The following NAV2 variants were observed in gnomAD, a reference collection of about 807,000 sequenced individuals.
NAV2 encodes the protein neuron navigator 2.
In NAV2, 54 loss-of-function variants were observed where a neutral mutation model predicts 223.2. That is an observed-to-expected ratio of 0.24 (90% CI 0.19 to 0.30). The LOEUF (loss-of-function observed/expected upper bound fraction) is 0.30, where lower values mean the gene tolerates loss of function less well. Ranked by LOEUF, NAV2 falls within the 10% of genes least tolerant of loss-of-function variation. The pLI, the probability that NAV2 is intolerant of heterozygous loss-of-function variation, is 1.00. For synonymous variants in NAV2, 1,279 were observed against 1,239.3 expected, an observed-to-expected ratio of 1.03 and a Z score of -0.67; for missense variants, 2,806 against 3,147.5, an observed-to-expected ratio of 0.89 and a Z score of 2.60.
At chr11:19,388,915 A>G (rs1419068071) in intron 1 of NAV2, among the ~76,000 whole-genome samples, 26 of 152,236 alleles carry the variant, frequency 1.7e-4, no homozygotes, top group Admixed American at 1.7e-3. Flanking sequence ...CCCAGGCCAC[A>G]GCACTAGCTG....
intron 18 of NAV2, among the ~76,000 whole-genome samples, chr11:20,055,074 C>T (rs1432999731): frequency 1.3e-5 from 2 of 152,224 alleles, no homozygotes; most frequent in Admixed American, 1.3e-4. Context: ...CTAATCTCAT[C>T]TCACTCTTTA....
intron 15 of NAV2, 78 bp downstream of exon 15, chr11:20,049,273 A>G: frequency 9.4e-7 from 1 of 1,062,808 alleles, no homozygotes; most frequent in Non-Finnish European, 1.4e-6. Flanking sequence ...GGAATCCCAA[A>G]TGTCGAATAG....
At chr11:19,460,574 T>G (rs1388258528) in intron 1 of NAV2, among the ~76,000 whole-genome samples, 1 of 144,906 alleles carries the variant, frequency 6.9e-6, no homozygotes. Flanking sequence ...CCGCATGTTC[T>G]CACTCATAGG....
chr11:19,348,331 TTC>T (rs1853112680), upstream of NAV2, among the ~76,000 whole-genome samples: 1 of 152,306 alleles, frequency 6.6e-6, no homozygotes, highest in African/African-American at 2.4e-5. Flanking sequence ...GGACTTTTTT[TTC>T]TTTTATTATT....
intron 1 of NAV2, among the ~76,000 whole-genome samples, chr11:19,580,884 T>A (rs181441342): frequency 2.3e-4 from 35 of 152,364 alleles, no homozygotes; most frequent in South Asian, 1.2e-3. Flanking sequence ...GTGACTGTAA[T>A]AATTTATCCT....
chr11:19,816,886 G>A (rs1229538329), intron 1 of NAV2, among the ~76,000 whole-genome samples: 4 of 152,078 alleles, frequency 2.6e-5, no homozygotes, highest in Non-Finnish European at 5.9e-5. Context: ...GAAACCAGAG[G>A]AGGCTCCCAC....
intron 36 of NAV2, among the ~76,000 whole-genome samples, chr11:20,112,434 T>G (rs1592216276): frequency 6.6e-6 from 1 of 152,110 alleles, no homozygotes; most frequent in Non-Finnish European, 1.5e-5. Flanking sequence ...GAGGGGGTGA[T>G]AGCCACGAAT....
intron 1 of NAV2, among the ~76,000 whole-genome samples, chr11:19,586,421 A>G (rs1387018897): frequency 6.6e-6 from 1 of 152,154 alleles, no homozygotes; most frequent in Non-Finnish European, 1.5e-5. Flanking sequence ...GTTGCTGGTG[A>G]GGAGCTGCGT....
chr11:19,877,472 T>TTTTTTTTTTTTTCTTTTTCCTTTTC (rs1313196964), intron 4 of NAV2, among the ~76,000 whole-genome samples: 1 of 117,838 alleles, frequency 8.5e-6, no homozygotes, highest in East Asian at 2.5e-4. Flanking sequence ...TCTTCATTCT[T>TTTTTTTTTTTTTCTTTTTCCTTTTC]TTTTTTTTTT....
chr11:20,077,917 T>G (rs2059862879), intron 23 of NAV2, 76 bp from the exon 24 acceptor site: 6 of 1,208,784 alleles, frequency 5.0e-6, no homozygotes, highest in Admixed American at 3.9e-5. Context: ...CCTCCTGTGT[T>G]GAAGCCAAGT....
chr11:19,391,370 C>T (rs1162351740), intron 1 of NAV2, among the ~76,000 whole-genome samples: 1 of 152,192 alleles, frequency 6.6e-6, no homozygotes, highest in East Asian at 1.9e-4. Context: ...TTCTACCACC[C>T]TGTCCACACA....
At position 19,664,764 on chromosome 11, in the gene NAV2, G is replaced by A. The variant is rs115882376; in HGVS notation, c.76-167720G>A. The stretch of plus-strand genomic sequence containing the variant: ...AATACCAGGAAGCCTTTGCTATGGA[G>A]GAGAATGTTGAGTTCCACCTCCCAA... On this transcript the variant is annotated intron_variant, in intron 1 of 37. Coordinates refer to the NAV2 transcript ENST00000360655. Among the ~76,000 whole-genome samples, 64 of 152,324 alleles carry A rather than the reference G, an allele frequency of 4.2e-4. 1 individual carries two copies. The highest frequency in any genetic ancestry group is 1.5e-3 in the African/African-American group (61 of 41,560).
intron 11 of NAV2, among the ~76,000 whole-genome samples, chr11:20,026,254 C>T (rs974907013): frequency 2.6e-5 from 4 of 152,012 alleles, no homozygotes; most frequent in Admixed American, 1.3e-4. Flanking sequence ...TAAGCTGGTC[C>T]CAGAGCTGTA....
chr11:20,007,997 G>C (rs1038183109), intron 11 of NAV2, among the ~76,000 whole-genome samples: 4 of 152,234 alleles, frequency 2.6e-5, no homozygotes, highest in African/African-American at 9.6e-5. Context: ...TGTGAGACTG[G>C]TCATTGAGAG....
chr11:19,591,954 A>G (rs1011092747), intron 1 of NAV2, among the ~76,000 whole-genome samples: 1 of 152,210 alleles, frequency 6.6e-6, no homozygotes, highest in African/African-American at 2.4e-5. Context: ...TATGGAGGCC[A>G]CAATGAGCAA....
At chr11:20,007,367 ACT>A (rs1175003541) in intron 11 of NAV2, among the ~76,000 whole-genome samples, 2 of 152,032 alleles carry the variant, frequency 1.3e-5, no homozygotes, top group East Asian at 1.9e-4. Flanking sequence ...TGAAAATGAG[ACT>A]CTGTTCATAT....
chr11:19,790,975 CATT>C (rs1472036138), intron 1 of NAV2, among the ~76,000 whole-genome samples: 3 of 151,860 alleles, frequency 2.0e-5, no homozygotes, highest in African/African-American at 7.3e-5. Context: ...CCTTTACACA[CATT>C]ATGTAATTTG....
chr11:19,881,182 G>C (rs530028828), intron 5 of NAV2, among the ~76,000 whole-genome samples: 5 of 152,168 alleles, frequency 3.3e-5, no homozygotes, highest in African/African-American at 1.2e-4. Flanking sequence ...CATGAGAAGT[G>C]CTATTTCCCA....
At chr11:19,562,728 G>C (rs1487193) in intron 1 of NAV2, among the ~76,000 whole-genome samples, 145,072 of 152,246 alleles carry the variant, frequency 0.95, 69,503 homozygotes, top group East Asian at 1. Context: ...GTGGATTTAC[G>C]CAGCACTAAA....
Sources: gnomAD v4.1 joint callset for allele counts (sites outside exome capture counted in the v4.1 genomes callset) on GRCh38, gnomAD v4.1.1 for gene constraint, MANE v1.5 for transcripts, NCBI Gene and HGNC (gene_info 2026-07-23, HGNC 2026-07-21) for gene names.